The following LARGE1 variants were observed in gnomAD, a reference collection of about 807,000 sequenced individuals.
LARGE1 encodes the protein xylosyl- and glucuronyltransferase LARGE1.
In LARGE1, 43 loss-of-function variants were observed where a neutral mutation model predicts 87.6. That is an observed-to-expected ratio of 0.49 (90% CI 0.38 to 0.63). The LOEUF (loss-of-function observed/expected upper bound fraction) is 0.63, where lower values mean the gene tolerates loss of function less well. Among genes scored for constraint, LARGE1 ranks in the 30% least tolerant of loss-of-function variants. LARGE1 has a pLI of 0.00. For synonymous variants in LARGE1, 434 were observed against 394.6 expected, an observed-to-expected ratio of 1.10 and a Z score of -1.18; for missense variants, 802 against 1,000.2, an observed-to-expected ratio of 0.80 and a Z score of 2.67.
chr22:33,375,113 A>G (rs2064948963), intron 9 of LARGE1, among the ~76,000 whole-genome samples: 1 of 152,210 alleles, frequency 6.6e-6, no homozygotes, highest in African/African-American at 2.4e-5. Context: ...AATAAATTGC[A>G]TGAGATTAAG....
At chr22:33,363,015 G>C (rs1437322485) in intron 9 of LARGE1, among the ~76,000 whole-genome samples, 2 of 150,068 alleles carry the variant, frequency 1.3e-5, no homozygotes, top group Admixed American at 1.3e-4. Flanking sequence ...GCAAATCAAG[G>C]TTAAAATATT....
intron 6 of LARGE1, among the ~76,000 whole-genome samples, chr22:33,505,577 A>G (rs1203182097): frequency 1.3e-5 from 2 of 152,200 alleles, no homozygotes; most frequent in Non-Finnish European, 2.9e-5. Context: ...AAAACCCAGA[A>G]CAAAGGGAGA....
chr22:33,371,983 C>CA lies in LARGE1; in HGVS notation c.1131+9935dup, dbSNP rs757895320. Among the ~76,000 whole-genome samples, 262 of 91,840 alleles carry CA rather than the reference C, an allele frequency of 2.9e-3. 1 individual carries two copies. The highest frequency in any genetic ancestry group is 7.7e-3 in the Middle Eastern group (1 of 130). 60.3% of individuals were successfully genotyped at this position (91,840 alleles called of 152,430 possible). On this transcript the variant is annotated intron_variant, in intron 9 of 14. Transcript: ENST00000397394. ...TGGGCGACAGAGCGAGACTCCATCT[C>CA]AAAAAAAAAAAAAAAGTTTATAAAA...
At chr22:33,193,490 T>A (rs1056774994) in intron 11 of LARGE1, among the ~76,000 whole-genome samples, 1 of 152,210 alleles carries the variant, frequency 6.6e-6, no homozygotes. Flanking sequence ...TAATGTGCTA[T>A]ACAGTGCATT....
chr22:33,604,901 A>G (rs1215533874), intron 4 of LARGE1, among the ~76,000 whole-genome samples: 1 of 152,018 alleles, frequency 6.6e-6, no homozygotes, highest in East Asian at 1.9e-4. Context: ...CAACCTTTAT[A>G]TCTGACTTAT....
At chr22:33,164,506 T>A (rs917686561) in exon 12 of LARGE1, 13 of 152,102 alleles carry the variant, frequency 8.5e-5, no homozygotes, top group African/African-American at 3.1e-4. Context: ...TTTGTTTTTT[T>A]TTTTTATTTT....
intron 2 of LARGE1, among the ~76,000 whole-genome samples, chr22:33,698,676 T>C (rs919152117): frequency 4.6e-5 from 7 of 152,146 alleles, no homozygotes; most frequent in Admixed American, 1.3e-4. Context: ...GGTAGGGCCA[T>C]TTACTGAACC....
intron 6 of LARGE1, among the ~76,000 whole-genome samples, chr22:33,443,596 G>A (rs1453059564): frequency 6.6e-6 from 1 of 152,168 alleles, no homozygotes; most frequent in South Asian, 2.1e-4. Context: ...GAAGGCCCAA[G>A]ATGCAGAAAA....
chr22:33,634,056 T>G (rs1039150098), intron 3 of LARGE1, among the ~76,000 whole-genome samples: 2 of 152,224 alleles, frequency 1.3e-5, no homozygotes, highest in Non-Finnish European at 2.9e-5. Context: ...TGTGTCAGGA[T>G]CAAACAAATG....
intron 6 of LARGE1, among the ~76,000 whole-genome samples, chr22:33,506,182 T>C (rs1239391145): frequency 6.6e-6 from 1 of 151,954 alleles, no homozygotes; most frequent in African/African-American, 2.4e-5. Flanking sequence ...GCCCTGAACA[T>C]AGTATGTGCT....
chr22:33,506,558 T>C (rs1384412802), intron 6 of LARGE1, among the ~76,000 whole-genome samples: 3 of 152,178 alleles, frequency 2.0e-5, no homozygotes, highest in Non-Finnish European at 4.4e-5. Flanking sequence ...GGAGGAGGAT[T>C]CTGTCTTGTC....
At chr22:33,247,853 G>A (rs1055118371) in intron 11 of LARGE1, among the ~76,000 whole-genome samples, 14 of 152,174 alleles carry the variant, frequency 9.2e-5, no homozygotes, top group Non-Finnish European at 1.8e-4. Flanking sequence ...ACAGATGCCC[G>A]TGAGCTGGTC....
At chr22:33,735,695 T>G (rs45774) in intron 2 of LARGE1, among the ~76,000 whole-genome samples, 54,619 of 152,058 alleles carry the variant, frequency 0.36, 10,016 homozygotes, top group Admixed American at 0.5. Flanking sequence ...ATGTGTACAT[T>G]TCAGTGGTTT....
chr22:33,162,395 C>T (rs1922060494), exon 12 of LARGE1: 1 of 152,140 alleles, frequency 6.6e-6, no homozygotes. Flanking sequence ...CATGAGAACT[C>T]AGTCACTATC....
the LARGE1 span, among the ~76,000 whole-genome samples, chr22:33,118,147 T>G: frequency 0.73 from 110,960 of 151,892 alleles, 40,675 homozygotes; most frequent in Non-Finnish European, 0.76. Context: ...AAGGAAAAAA[T>G]ACATGTTTCT....
At chr22:33,758,557 A>T (rs2084608052) in intron 2 of LARGE1, among the ~76,000 whole-genome samples, 1 of 152,126 alleles carries the variant, frequency 6.6e-6, no homozygotes, top group Non-Finnish European at 1.5e-5. Flanking sequence ...TAGATACAGC[A>T]CCTACACCCA....
the LARGE1 span, among the ~76,000 whole-genome samples, chr22:33,099,414 C>T: frequency 2.6e-5 from 4 of 152,038 alleles, no homozygotes; most frequent in Admixed American, 1.3e-4. Context: ...CCACCAAGCC[C>T]GGCTAATTGT....
At chr22:33,576,441 G>T (rs2078354791) in intron 5 of LARGE1, among the ~76,000 whole-genome samples, 2 of 152,218 alleles carry the variant, frequency 1.3e-5, no homozygotes, top group African/African-American at 4.8e-5. Flanking sequence ...CAGGGTGGTG[G>T]TTTACCCTGA....
chr22:33,891,841 G>T (rs1351080498), intron 1 of LARGE1, among the ~76,000 whole-genome samples: 2 of 152,152 alleles, frequency 1.3e-5, no homozygotes, highest in African/African-American at 4.8e-5. Context: ...CGGAAAATTG[G>T]CATCGATGCA....
Sources: allele counts gnomAD v4.1 joint callset (sites outside exome capture counted in the v4.1 genomes callset), GRCh38; gene constraint gnomAD v4.1.1; transcripts MANE v1.5; gene names NCBI Gene and HGNC (gene_info 2026-07-23, HGNC 2026-07-21).